Variants in OR3A2 observed in about 807,000 individuals in gnomAD.
The protein encoded by OR3A2 is olfactory receptor 3A2.
For synonymous variants in OR3A2, 126 were observed against 159.3 expected (o/e 0.79, Z 1.57); for missense variants, 318 against 392.8 (o/e 0.81, Z 1.61).
chr17:3,278,550 T>C (rs766119785), exon 2 of OR3A2: 7 of 1,612,186 alleles, frequency 4.3e-6, no homozygotes, highest in Non-Finnish European at 5.9e-6. Flanking sequence ...GAGTCGGTCA[T>C]AGGCCATGGC....
chr17:3,371,991 G>A (rs1444617223), intron 2 of OR3A2, among the ~76,000 whole-genome samples: 9 of 146,280 alleles, frequency 6.2e-5, no homozygotes, highest in East Asian at 2.3e-4. Context: ...CCCAGACGGG[G>A]TGGCTGCCGG....
intron 2 of OR3A2, among the ~76,000 whole-genome samples, chr17:3,337,769 T>C (rs1188048966): frequency 2.0e-5 from 3 of 152,234 alleles, no homozygotes; most frequent in Admixed American, 1.3e-4. Context: ...GCATGATTTA[T>C]AGTCCTTGGG....
intron 2 of OR3A2, among the ~76,000 whole-genome samples, chr17:3,336,767 TCTC>T (rs1308162791): frequency 6.6e-6 from 1 of 152,164 alleles, no homozygotes; most frequent in Non-Finnish European, 1.5e-5. Context: ...TAGACAGACT[TCTC>T]CACAAAATCA....
intron 2 of OR3A2, among the ~76,000 whole-genome samples, chr17:3,381,214 C>T (rs557311711): frequency 6.6e-5 from 10 of 151,678 alleles, no homozygotes; most frequent in East Asian, 1.9e-4. Flanking sequence ...TGTGTGCAAG[C>T]GTGTATCCCT....
upstream of OR3A2, among the ~76,000 whole-genome samples, chr17:3,285,705 T>C (rs959467875): frequency 6.6e-6 from 1 of 152,164 alleles, no homozygotes; most frequent in African/African-American, 2.4e-5. Flanking sequence ...AAAGGATCGC[T>C]TGAGCCCAGG....
At chr17:3,316,363 C>A (rs2049082837) in intron 3 of OR3A2, among the ~76,000 whole-genome samples, 1 of 152,148 alleles carries the variant, frequency 6.6e-6, no homozygotes, top group Admixed American at 6.5e-5. Flanking sequence ...TCAAGCTCAG[C>A]AGATGTCATT....
At chr17:3,375,686 T>G (rs1251427556) in intron 2 of OR3A2, among the ~76,000 whole-genome samples, 1 of 152,202 alleles carries the variant, frequency 6.6e-6, no homozygotes, top group Non-Finnish European at 1.5e-5. Context: ...TTTGCTATAT[T>G]ACCAGAATTA....
At chr17:3,360,364 G>C (rs1367635942) in intron 2 of OR3A2, among the ~76,000 whole-genome samples, 2 of 151,628 alleles carry the variant, frequency 1.3e-5, no homozygotes, top group African/African-American at 2.4e-5. Flanking sequence ...CTATTCTGTA[G>C]GTTGCCTGTT....
At chr17:3,374,763 A>G (rs1377941333) in intron 2 of OR3A2, among the ~76,000 whole-genome samples, 4 of 152,216 alleles carry the variant, frequency 2.6e-5, no homozygotes, top group Non-Finnish European at 5.9e-5. Flanking sequence ...TCATCTCACG[A>G]ATAAGTTCTT....
chr17:3,357,598 C>T (rs1206171131), intron 2 of OR3A2, among the ~76,000 whole-genome samples: 1 of 151,448 alleles, frequency 6.6e-6, no homozygotes, highest in East Asian at 1.9e-4. Context: ...TACAGAGTTT[C>T]AATTGGGGAG....
At chr17:3,316,199 T>C (rs915010993) in intron 3 of OR3A2, among the ~76,000 whole-genome samples, 1 of 152,208 alleles carries the variant, frequency 6.6e-6, no homozygotes, top group Non-Finnish European at 1.5e-5. Context: ...TTTGCAGATA[T>C]AAGTCCATGG....
At chr17:3,360,977 G>A (rs1195696612) in intron 2 of OR3A2, among the ~76,000 whole-genome samples, 1 of 151,450 alleles carries the variant, frequency 6.6e-6, no homozygotes, top group Non-Finnish European at 1.5e-5. Context: ...AGCTTGATGG[G>A]GATGGCATTG....
intron 3 of OR3A2, among the ~76,000 whole-genome samples, chr17:3,295,632 T>C (rs558977303): frequency 6.6e-6 from 1 of 151,922 alleles, no homozygotes; most frequent in Admixed American, 6.6e-5. Flanking sequence ...GCTCATCTAG[T>C]AAAAGAAAAG....
chr17:3,337,003 G>C (rs1067091), intron 2 of OR3A2, among the ~76,000 whole-genome samples: 105,280 of 152,054 alleles, frequency 0.69, 38,036 homozygotes, highest in East Asian at 1. Flanking sequence ...CCCTAGGTGA[G>C]CTATGCACAT....
At chr17:3,335,817 T>C (rs2049271735) in intron 3 of OR3A2, among the ~76,000 whole-genome samples, 1 of 152,204 alleles carries the variant, frequency 6.6e-6, no homozygotes, top group Admixed American at 6.5e-5. Context: ...TCCCAGTTTG[T>C]TTAAGAATAC....
intron 2 of OR3A2, among the ~76,000 whole-genome samples, chr17:3,364,885 T>G (rs979572670): frequency 1.3e-5 from 2 of 150,684 alleles, no homozygotes; most frequent in African/African-American, 4.9e-5. Context: ...TTTAAATACT[T>G]AGCAATAAGC....
chr17:3,277,667 T>C, exon 2 of OR3A2: 1 of 283,590 alleles, frequency 3.5e-6, no homozygotes, highest in Non-Finnish European at 6.6e-6. Context: ...CATCATGTGG[T>C]ATATATGATG....
At chr17:3,338,949 G>C (rs1402466740) in intron 2 of OR3A2, among the ~76,000 whole-genome samples, 1 of 152,168 alleles carries the variant, frequency 6.6e-6, no homozygotes, top group Non-Finnish European at 1.5e-5. Context: ...TTGTTGAGCA[G>C]TGGTTTGTAG....
intron 2 of OR3A2, among the ~76,000 whole-genome samples, chr17:3,340,348 C>A (rs12937515): frequency 0.41 from 62,655 of 151,726 alleles, 13,217 homozygotes; most frequent in Admixed American, 0.52. Flanking sequence ...TAGTTCTTTT[C>A]ATTGTGATGT....
Sources: allele counts gnomAD v4.1 joint callset (sites outside exome capture counted in the v4.1 genomes callset), GRCh38; gene constraint gnomAD v4.1.1; transcripts MANE v1.5; gene names NCBI Gene and HGNC (gene_info 2026-07-23, HGNC 2026-07-21).